Variants in TTC23L observed in about 807,000 individuals in gnomAD.
TTC23L encodes the protein tetratricopeptide repeat protein 23-like.
A neutral mutation model predicts 48.1 loss-of-function variants in TTC23L; 42 were observed. The ratio of observed to expected loss-of-function variants is 0.87; its 90% CI spans 0.68 to 1.13. TTC23L has a LOEUF of 1.13. TTC23L is among the 50% of genes most tolerant of loss of function. The pLI is 0.00. For synonymous variants in TTC23L, 159 were observed against 157.2 expected (o/e 1.01, Z -0.09); for missense variants, 391 against 421.0 (o/e 0.93, Z 0.62).
At chr5:34,864,689 T>C in intron 6 of TTC23L, 127 bp downstream of exon 6, 1 of 1,216,178 alleles carries the variant, frequency 8.2e-7, no homozygotes, top group Non-Finnish European at 1.1e-6. Flanking sequence ...AGGCTCATAT[T>C]TACCAAATGG....
chr5:34,855,228 C>T (rs1760029061), intron 4 of TTC23L, among the ~76,000 whole-genome samples: 1 of 67,594 alleles, frequency 1.5e-5, no homozygotes, highest in Non-Finnish European at 2.6e-5. Flanking sequence ...GTACATTGGG[C>T]AGGCTAAGGT....
At chr5:34,904,141 AAATT>A (rs1434685597), downstream of TTC23L, among the ~76,000 whole-genome samples, 1 of 151,200 alleles carries the variant, frequency 6.6e-6, no homozygotes, top group Non-Finnish European at 1.5e-5. Context: ...TAAAAAAAAA[AAATT>A]TTTTTTAGAG....
At chr5:34,923,885 A>G in the TTC23L span, among the ~76,000 whole-genome samples, 1 of 152,348 alleles carries the variant, frequency 6.6e-6, no homozygotes, top group South Asian at 2.1e-4. Flanking sequence ...TAGTTGATAC[A>G]GAGTATGGAT....
At position 34,846,577 on chromosome 5, in the gene TTC23L, ATAT is replaced by A. The variant is rs1466522641; in HGVS notation, c.255+905_255+907del. Among the ~76,000 whole-genome samples, 570 of 76,464 alleles carry A rather than the reference ATAT, an allele frequency of 7.5e-3. 89 individuals are homozygous for A. The highest frequency in any genetic ancestry group is 0.041 in the African/African-American group (509 of 12,474). The allele number at this position is 76,464 out of a possible 152,430, so 50.2% of individuals were successfully genotyped here. A position where few individuals can be genotyped will look rare whatever the true frequency, so the allele number is the denominator to read the frequency against. On this transcript the variant is annotated intron_variant, in intron 3 of 10. Transcript: ENST00000505624. Reference sequence around the variant, plus strand: ...ACTCTGTCTCAAAAAAAAAAAAAAAATATATATATATATATATATATATACACA... The same window carrying A: ...ACTCTGTCTCAAAAAAAAAAAAAAAAATATATATATATATATATATACACA...
chr5:34,908,511 C>A, the TTC23L span: 1 of 301,976 alleles, frequency 3.3e-6, no homozygotes, highest in Non-Finnish European at 6.1e-6. Context: ...CAATTATTCC[C>A]ATGAGTTCAA....
chr5:34,846,576 A>AT (rs1554017309), intron 3 of TTC23L, among the ~76,000 whole-genome samples: 7,588 of 98,282 alleles, frequency 0.077, 910 homozygotes, highest in Non-Finnish European at 0.098. Flanking sequence ...AAAAAAAAAA[A>AT]ATATATATAT....
intron 9 of TTC23L, among the ~76,000 whole-genome samples, chr5:34,892,000 G>A (rs988047269): frequency 3.3e-5 from 5 of 152,206 alleles, no homozygotes; most frequent in Non-Finnish European, 7.3e-5. Flanking sequence ...GGACTTTGCT[G>A]TGGCAGAAGG....
chr5:34,882,475 A>G (rs1268318265), intron 9 of TTC23L, among the ~76,000 whole-genome samples: 1 of 152,166 alleles, frequency 6.6e-6, no homozygotes, highest in Non-Finnish European at 1.5e-5. Context: ...ATAACTTTTG[A>G]ATGAAACTGC....
At chr5:34,851,091 C>T (rs930609793) in intron 4 of TTC23L, among the ~76,000 whole-genome samples, 1 of 152,172 alleles carries the variant, frequency 6.6e-6, no homozygotes, top group Non-Finnish European at 1.5e-5. Flanking sequence ...GAAGCTCCCT[C>T]AGGGCGGGAC....
At chr5:34,903,889 T>C (rs891235067), downstream of TTC23L, among the ~76,000 whole-genome samples, 3 of 152,120 alleles carry the variant, frequency 2.0e-5, no homozygotes, top group African/African-American at 7.2e-5. Flanking sequence ...CAACAATCTC[T>C]GTACCAAGTT....
chr5:34,879,955 C>T (rs753787979), intron 8 of TTC23L, among the ~76,000 whole-genome samples: 14 of 152,050 alleles, frequency 9.2e-5, no homozygotes, highest in Admixed American at 3.3e-4. Flanking sequence ...GAGGTTGCAC[C>T]GCTGCACCCC....
chr5:34,870,377 G>C (rs960208938), intron 8 of TTC23L, among the ~76,000 whole-genome samples: 7 of 152,078 alleles, frequency 4.6e-5, no homozygotes, highest in Non-Finnish European at 8.8e-5. Context: ...CTGTCACAAA[G>C]TACCATAAAT....
the TTC23L span, chr5:34,922,547 A>G: frequency 2.5e-6 from 4 of 1,607,602 alleles, no homozygotes; most frequent in African/African-American, 4.0e-5. Flanking sequence ...AGGCTTTCAA[A>G]TTCACCTCAC....
the TTC23L span, among the ~76,000 whole-genome samples, chr5:34,912,737 T>C: frequency 3.3e-5 from 5 of 152,176 alleles, no homozygotes; most frequent in East Asian, 9.6e-4. Context: ...CGGTGGCTTA[T>C]GCCTGTAATC....
chr5:34,925,436 C>T, the TTC23L span: 11 of 1,613,260 alleles, frequency 6.8e-6, no homozygotes, highest in Non-Finnish European at 9.3e-6. Flanking sequence ...AAGAAAGAAA[C>T]GGATTTACAA....
chr5:34,841,000 T>G (rs1419409908), intron 2 of TTC23L, among the ~76,000 whole-genome samples: 1 of 151,824 alleles, frequency 6.6e-6, no homozygotes. Flanking sequence ...GGGCTGAGAT[T>G]CCATCACTGC....
At chr5:34,840,247 G>GT in intron 1 of TTC23L, among the ~76,000 whole-genome samples, 1 of 137,630 alleles carries the variant, frequency 7.3e-6, no homozygotes, top group Admixed American at 7.0e-5. Context: ...CGGGGGGGGG[G>GT]GGGAAAGCAG....
chr5:34,871,255 T>G (rs544006112), intron 8 of TTC23L, among the ~76,000 whole-genome samples: 6 of 152,298 alleles, frequency 3.9e-5, no homozygotes, highest in Middle Eastern at 3.4e-3. Context: ...AACTTAATTG[T>G]AGTTCTATAT....
intron 10 of TTC23L, 33 bp downstream of exon 10, chr5:34,896,908 A>ATGTCC: frequency 1.5e-6 from 1 of 688,246 alleles, no homozygotes; most frequent in Non-Finnish European, 2.7e-6. Flanking sequence ...ACAGGGCAGC[A>ATGTCC]TGTCCTGAAA....
Sources: gnomAD v4.1 joint callset for allele counts (sites outside exome capture counted in the v4.1 genomes callset) on GRCh38, gnomAD v4.1.1 for gene constraint, MANE v1.5 for transcripts, NCBI Gene and HGNC (gene_info 2026-07-23, HGNC 2026-07-21) for gene names.